Variants in TPM3 observed in about 807,000 individuals in gnomAD.
The protein encoded by TPM3 is tropomyosin alpha-3 chain.
TPM3 carries 16 observed loss-of-function variants against 43.1 expected under a neutral mutation model. That is an observed-to-expected ratio of 0.37 (90% CI 0.25 to 0.56). TPM3 has a LOEUF of 0.56. Ranked by LOEUF, TPM3 falls within the 20% of genes least tolerant of loss-of-function variation. The pLI, the probability that TPM3 is intolerant of heterozygous loss-of-function variation, is 0.77. For missense variants in TPM3, 176 were observed against 337.2 expected (o/e 0.52, Z 3.74); for synonymous variants, 101 against 116.9 (o/e 0.86, Z 0.88).
Position 154,177,190 on chromosome 1 carries a change from C to G in TPM3, c.244-942G>C, listed in dbSNP as rs184979245. Among the ~76,000 whole-genome samples, 690 of 152,226 alleles carry G rather than the reference C, an allele frequency of 4.5e-3. 3 individuals carry two copies. Among genetic ancestry groups the G allele is most frequent in the South Asian group, 0.016 (79 of 4,826 alleles). Reference sequence around the variant, plus strand: ...CAGCCCTTCAACTTGTGCCCCCGTACTCCTTTTTTAAGTTGGCTACAAGGA... The same window carrying G: ...CAGCCCTTCAACTTGTGCCCCCGTAGTCCTTTTTTAAGTTGGCTACAAGGA... On this transcript the variant is annotated intron_variant, in intron 2 of 9. Coordinates refer to ENST00000651641, the MANE Select transcript of TPM3 (RefSeq NM_152263.4).
downstream of TPM3, among the ~76,000 whole-genome samples, chr1:154,159,514 C>T (rs1660135467): frequency 6.6e-6 from 1 of 152,230 alleles, no homozygotes. Context: ...TATCCCCACA[C>T]TCATTCACTC....
intron 9 of TPM3, among the ~76,000 whole-genome samples, chr1:154,168,362 T>C (rs751224006): frequency 6.6e-6 from 1 of 152,250 alleles, no homozygotes; most frequent in Non-Finnish European, 1.5e-5. Flanking sequence ...GTGGGCCCTA[T>C]TTCCTTAGTT....
intron 2 of TPM3, among the ~76,000 whole-genome samples, chr1:154,176,702 G>A (rs1281565568): frequency 6.6e-6 from 1 of 150,938 alleles, no homozygotes; most frequent in Non-Finnish European, 1.5e-5. Context: ...TATCCTGACT[G>A]GGTGTGGTGG....
intron 2 of TPM3, among the ~76,000 whole-genome samples, chr1:154,184,593 C>A (rs1373516936): frequency 6.6e-6 from 1 of 152,120 alleles, no homozygotes; most frequent in Non-Finnish European, 1.5e-5. Context: ...GATATGCCCC[C>A]ATTTTATCAG....
At chr1:154,182,331 G>T (rs1040674855) in intron 2 of TPM3, among the ~76,000 whole-genome samples, 2 of 152,224 alleles carry the variant, frequency 1.3e-5, no homozygotes, top group African/African-American at 2.4e-5. Flanking sequence ...TGTAGCAGCT[G>T]CAAGAGCACC....
chr1:154,185,252 G>A (rs1663357896), intron 2 of TPM3, among the ~76,000 whole-genome samples: 1 of 150,408 alleles, frequency 6.6e-6, no homozygotes, highest in African/African-American at 2.5e-5. Flanking sequence ...CACACCTGTA[G>A]TTCCAGCTAT....
rs551697359 is a variant in TPM3, at chr1:154,166,539, T to C, written c.*1398A>G. ...CTACAGGCAGTACAGGCAAGTGCCA[T>C]TGCACCCAGCTAAAAGAAAAGCAAA... On this transcript the variant is annotated 3_prime_UTR_variant, in exon 10 of 10. Coordinates refer to ENST00000651641, the MANE Select transcript of TPM3 (RefSeq NM_152263.4). 96 of 1,057,292 alleles carry C rather than the reference T, an allele frequency of 9.1e-5. No individual in the cohort carries two copies. The South Asian group carries it at 3.1e-3, about 34-fold the overall frequency. The allele number at this position is 1,057,292 out of a possible 1,614,324, so 65.5% of individuals were successfully genotyped here.
rs1660889856 is a variant in TPM3 at position 154,165,811 on chromosome 1, AAAAG to A, written c.*2122_*2125del. The stretch of plus-strand genomic sequence containing the variant: ...TCTCAAAAAAAAAAAAAAAAAGAAA[AAAAG>A]AAAAAAGTTTTAACATGTTTATGAA... On this transcript the variant is annotated 3_prime_UTR_variant, in exon 10 of 10. Transcript: ENST00000651641. 1.3e-5 allele frequency among the ~76,000 whole-genome samples: 2 copies of A among 151,992 alleles called. No homozygotes were observed. The highest frequency in any genetic ancestry group is 3.8e-4 in the East Asian group (2 of 5,196).
At chr1:154,173,616 A>G (rs896493753) in intron 3 of TPM3, among the ~76,000 whole-genome samples, 8 of 151,752 alleles carry the variant, frequency 5.3e-5, no homozygotes, top group African/African-American at 1.7e-4. Flanking sequence ...GTGAGCCGAG[A>G]TCGAGCCATT....
chr1:154,160,577 T>G (rs1332973061), downstream of TPM3, among the ~76,000 whole-genome samples: 1 of 152,154 alleles, frequency 6.6e-6, no homozygotes, highest in African/African-American at 2.4e-5. Flanking sequence ...ATAGGGGTGG[T>G]ATTGTGCACT....
rs371687059 is a variant in TPM3, at chr1:154,164,279, G to A, written c.*3658C>T. ...TGGGCTCAAAGGATCCTCTGGCTTC[G>A]GCCCTCCAAGTAGATAGGACTGCAG... On this transcript the variant is annotated 3_prime_UTR_variant, in exon 10 of 10. Transcript: ENST00000651641. Among the ~76,000 whole-genome samples, 1 of 151,920 alleles carries A rather than the reference G, an allele frequency of 6.6e-6. No individual in the cohort carries two copies. The highest frequency in any genetic ancestry group is 1.5e-5 in the Non-Finnish European group (1 of 68,008).
rs1167349462 is a variant in TPM3, at chr1:154,189,798, CAAAAAAAAAAAA to C, written c.243+1376_243+1387del. ...GGGCAACAAGAGTGAAACCCTGTCT[CAAAAAAAAAAAA>C]AAAAAAAAAAGGAAAAGAAAAGGAA... On this transcript the variant is annotated intron_variant, in intron 2 of 9. Coordinates refer to ENST00000651641, the MANE Select transcript of TPM3 (RefSeq NM_152263.4). Among the ~76,000 whole-genome samples, 243 of 43,864 alleles carry C rather than the reference CAAAAAAAAAAAA, an allele frequency of 5.5e-3. 1 individual carries two copies. Among genetic ancestry groups the C allele is most frequent in the African/African-American group, 0.017 (233 of 14,040 alleles). The allele number at this position is 43,864 out of a possible 152,430, so 28.8% of individuals were successfully genotyped here.
intron 2 of TPM3, among the ~76,000 whole-genome samples, chr1:154,178,937 G>A (rs145783938): frequency 6.6e-5 from 10 of 152,222 alleles, no homozygotes; most frequent in Non-Finnish European, 1.0e-4. Flanking sequence ...CAACACCTTC[G>A]GCTATCCTCC....
At chr1:154,175,823 A>C (rs1053555035) in intron 3 of TPM3, among the ~76,000 whole-genome samples, 4 of 152,198 alleles carry the variant, frequency 2.6e-5, no homozygotes, top group African/African-American at 9.7e-5. Context: ...AATATGCAGA[A>C]TAGAAAGGAG....
chr1:154,180,323 C>A (rs778652540), intron 2 of TPM3, among the ~76,000 whole-genome samples: 1 of 152,160 alleles, frequency 6.6e-6, no homozygotes, highest in Non-Finnish European at 1.5e-5. Context: ...CAGTTTCCCG[C>A]TCCAGAGGAG....
At chr1:154,191,360 G>A in intron 1 of TPM3, 49 bp from the exon 2 acceptor site, 2 of 1,611,778 alleles carry the variant, frequency 1.2e-6, no homozygotes, top group South Asian at 2.2e-5. Flanking sequence ...ACACAACAAT[G>A]CAGGGTTGGA....
chr1:154,176,024 T>C (rs1402062405), intron 3 of TPM3, 91 bp downstream of exon 3: 2 of 1,595,772 alleles, frequency 1.3e-6, no homozygotes, highest in Non-Finnish European at 1.7e-6. Flanking sequence ...GCAGCCAGAA[T>C]TGCTATTTAG....
intron 2 of TPM3, among the ~76,000 whole-genome samples, chr1:154,177,634 C>CACGATCTCTCTTCTATAGCCCAGATAT (rs1212681262): frequency 3.3e-5 from 5 of 152,186 alleles, no homozygotes; most frequent in Non-Finnish European, 7.3e-5. Context: ...GCCTGGTAAA[C>CACGATCTCTCTTCTATAGCCCAGATAT]ACGATCTCTC....
intron 4 of TPM3, 22 bp from the exon 5 acceptor site, chr1:154,173,000 T>C (rs1309863928): frequency 1.2e-5 from 19 of 1,614,040 alleles, no homozygotes; most frequent in East Asian, 2.2e-5. Context: ...GATCCCAGTA[T>C]AGCTTAGTGA....
Sources: allele counts gnomAD v4.1 joint callset (sites outside exome capture counted in the v4.1 genomes callset), GRCh38; gene constraint gnomAD v4.1.1; transcripts MANE v1.5; gene names NCBI Gene and HGNC (gene_info 2026-07-23, HGNC 2026-07-21).